The following MEOX2 variants were observed in gnomAD, a reference collection of about 807,000 sequenced individuals.
MEOX2 encodes homeobox protein MOX-2.
In MEOX2, 11 loss-of-function variants were observed where a neutral mutation model predicts 27.0. The observed-to-expected ratio is 0.41, with a 90% CI of 0.26 to 0.68. The LOEUF (loss-of-function observed/expected upper bound fraction) is 0.68. Among genes scored for constraint, MEOX2 ranks in the 30% least tolerant of loss-of-function variants. The pLI is 0.33. For missense variants in MEOX2, 436 were observed against 385.4 expected (o/e 1.13, Z -1.10); for synonymous variants, 189 against 155.4 (o/e 1.22, Z -1.61).
At chr7:15,661,024 A>AC (rs1200317532) in intron 1 of MEOX2, among the ~76,000 whole-genome samples, 2 of 149,936 alleles carry the variant, frequency 1.3e-5, no homozygotes, top group African/African-American at 4.9e-5. Context: ...AAAAAAAAAA[A>AC]AAAAAAAAAA....
intron 1 of MEOX2, among the ~76,000 whole-genome samples, chr7:15,643,233 T>C (rs1395894298): frequency 2.0e-5 from 3 of 152,270 alleles, no homozygotes; most frequent in South Asian, 2.1e-4. Flanking sequence ...TTGGCCTTTG[T>C]TGATCAAAGG....
rs147797539 is a variant in MEOX2 at position 15,685,911 on chromosome 7, G to T, written c.492C>A (p.Gly164=). The T allele has an allele frequency of 6.2e-7, 1 of 1,606,746 alleles. No individual in the cohort carries two copies. Among genetic ancestry groups the T allele is most frequent in the Non-Finnish European group, 8.5e-7 (1 of 1,177,056 alleles). Reference sequence around the variant, plus strand: ...CTGAGCTGTCGCTTTTCCTCTTGCCGCCGCTTCGCTTCTCCGCCTCCGCAG... The same window carrying T: ...CTGAGCTGTCGCTTTTCCTCTTGCCTCCGCTTCGCTTCTCCGCCTCCGCAG... ...LSPAEAEKRS[G]GKRKSDSSDS... Residue 164 remains glycine (G), a synonymous_variant, in exon 1 of 3, where the codon GGC becomes GGA. Coordinates refer to ENST00000262041, the MANE Select transcript of MEOX2 (RefSeq NM_005924.5).
intron 1 of MEOX2, among the ~76,000 whole-genome samples, chr7:15,654,377 T>C (rs992495606): frequency 8.6e-5 from 13 of 151,820 alleles, no homozygotes; most frequent in Non-Finnish European, 1.6e-4. Flanking sequence ...CTTTTTTTTC[T>C]TCCTTTCTGA....
chr7:15,664,163 T>G (rs2115385866), intron 1 of MEOX2, among the ~76,000 whole-genome samples: 1 of 152,344 alleles, frequency 6.6e-6, no homozygotes, highest in Non-Finnish European at 1.5e-5. Context: ...TTTACTCTGC[T>G]ATTGAGACAC....
chr7:15,619,584 TTG>T (rs533091676), intron 2 of MEOX2, among the ~76,000 whole-genome samples: 3 of 151,562 alleles, frequency 2.0e-5, no homozygotes, highest in African/African-American at 7.3e-5. Flanking sequence ...CTCATTTTAT[TTG>T]TGTGTGTGTG....
At chr7:15,627,862 C>T (rs544578294) in intron 1 of MEOX2, among the ~76,000 whole-genome samples, 1 of 118,954 alleles carries the variant, frequency 8.4e-6, no homozygotes, top group African/African-American at 3.3e-5. Flanking sequence ...GCTCTAATAA[C>T]TTAGGGCAAA....
intron 2 of MEOX2, among the ~76,000 whole-genome samples, chr7:15,621,481 A>T (rs1008612958): frequency 6.6e-6 from 1 of 152,220 alleles, no homozygotes; most frequent in African/African-American, 2.4e-5. Flanking sequence ...TGCAAATGTA[A>T]GAGTGTGACA....
At chr7:15,615,364 G>GT (rs1562593472) in intron 2 of MEOX2, among the ~76,000 whole-genome samples, 5 of 151,386 alleles carry the variant, frequency 3.3e-5, no homozygotes, top group Non-Finnish European at 5.9e-5. Flanking sequence ...TTTGTTTTTG[G>GT]TTTTTTTGTT....
intron 1 of MEOX2, among the ~76,000 whole-genome samples, chr7:15,684,916 T>C (rs940657478): frequency 1.3e-5 from 2 of 152,258 alleles, no homozygotes; most frequent in African/African-American, 2.4e-5. Flanking sequence ...TGAGTTTCTC[T>C]GGATTGCTAC....
At chr7:15,638,837 A>G (rs748127263) in intron 1 of MEOX2, among the ~76,000 whole-genome samples, 4 of 152,162 alleles carry the variant, frequency 2.6e-5, no homozygotes, top group Non-Finnish European at 5.9e-5. Flanking sequence ...GCTCCATAAT[A>G]TTCCATGGTG....
intron 2 of MEOX2, among the ~76,000 whole-genome samples, chr7:15,621,715 A>T (rs1781225603): frequency 6.6e-6 from 1 of 152,254 alleles, no homozygotes; most frequent in South Asian, 2.1e-4. Flanking sequence ...AGTGATAGAC[A>T]TGCACATTTT....
chr7:15,612,507 TC>T lies in MEOX2; in HGVS notation c.794del (p.Gly265GlufsTer23). 6.2e-7 allele frequency: 1 copy of T among 1,614,144 alleles called. No homozygotes were observed. The highest frequency in any genetic ancestry group is 2.2e-5 in the East Asian group (1 of 44,880). Reference protein sequence around the residue: ...REKELVNVKKGTLLPSELSGI... With the variant: ...REKELVNVKKXTLLPSELSGI... ...CCGACAGCTCTGATGGGAGAAGTGT[TC>T]CCTTTTTCACATTCACCAGTTCCTT... is the stretch of plus-strand genomic sequence containing the variant. On this transcript the variant is annotated frameshift_variant, in exon 3 of 3. Transcript: ENST00000262041. LOFTEE classifies it high-confidence loss of function.
chr7:15,661,594 A>G (rs1373715131), intron 1 of MEOX2, among the ~76,000 whole-genome samples: 1 of 152,178 alleles, frequency 6.6e-6, no homozygotes, highest in African/African-American at 2.4e-5. Context: ...CAATCATCCT[A>G]AAAAATATGA....
chr7:15,641,766 A>G (rs887087959), intron 1 of MEOX2, among the ~76,000 whole-genome samples: 2 of 151,866 alleles, frequency 1.3e-5, no homozygotes, highest in Admixed American at 1.3e-4. Flanking sequence ...TTTTATTTCC[A>G]TTTTTAGAAC....
intron 2 of MEOX2, among the ~76,000 whole-genome samples, chr7:15,622,276 T>C (rs1562595864): frequency 1.3e-5 from 2 of 152,144 alleles, no homozygotes; most frequent in South Asian, 4.1e-4. Flanking sequence ...TATATATCTG[T>C]GTATATGTGT....
chr7:15,639,795 G>T (rs1353704164), intron 1 of MEOX2, among the ~76,000 whole-genome samples: 1 of 152,060 alleles, frequency 6.6e-6, no homozygotes, highest in African/African-American at 2.4e-5. Flanking sequence ...TTATTTCTAG[G>T]CTCTCTATTC....
chr7:15,668,931 C>A (rs369732651), intron 1 of MEOX2, among the ~76,000 whole-genome samples: 1 of 152,140 alleles, frequency 6.6e-6, no homozygotes, highest in Non-Finnish European at 1.5e-5. Context: ...GCTATACATA[C>A]GCAAACTATT....
chr7:15,619,135 T>C (rs765560404), intron 2 of MEOX2, among the ~76,000 whole-genome samples: 84 of 152,060 alleles, frequency 5.5e-4, no homozygotes, highest in Non-Finnish European at 1.5e-4. Flanking sequence ...TACTCTTCTA[T>C]ATAAAGATGT....
At chr7:15,656,671 T>C (rs996196672) in intron 1 of MEOX2, among the ~76,000 whole-genome samples, 2 of 151,986 alleles carry the variant, frequency 1.3e-5, no homozygotes, top group Non-Finnish European at 2.9e-5. Flanking sequence ...TTTATATTCA[T>C]TTTAAAACCA....
Sources: allele counts gnomAD v4.1 joint callset (sites outside exome capture counted in the v4.1 genomes callset), GRCh38; gene constraint gnomAD v4.1.1; transcripts MANE v1.5; gene names NCBI Gene and HGNC (gene_info 2026-07-23, HGNC 2026-07-21).